Variants in IDE observed in about 807,000 individuals in gnomAD.
IDE encodes the protein insulin degrading enzyme.
In IDE, 58 loss-of-function variants were observed where a neutral mutation model predicts 133.2. The observed-to-expected ratio is 0.44, with a 90% CI of 0.35 to 0.54. The LOEUF (loss-of-function observed/expected upper bound fraction) is 0.54. IDE is among the 20% of genes least tolerant of loss of function. The probability of loss-of-function intolerance (pLI) is 0.00; values close to 1 mark genes in which losing one functional copy is unlikely to be tolerated. For synonymous variants in IDE, 396 were observed against 421.3 expected (o/e 0.94, Z 0.73); for missense variants, 981 against 1,234.0 (o/e 0.79, Z 3.07).
chr10:92,523,384 G>GAAAGA (rs1169879727), intron 4 of IDE, among the ~76,000 whole-genome samples: 1 of 151,588 alleles, frequency 6.6e-6, no homozygotes, highest in Admixed American at 6.6e-5. Context: ...CTGTCTCAAA[G>GAAAGA]AAAGAAAAGA....
intron 17 of IDE, among the ~76,000 whole-genome samples, chr10:92,472,324 T>C (rs1846009496): frequency 1.3e-5 from 2 of 152,210 alleles, no homozygotes; most frequent in South Asian, 2.1e-4. Context: ...TTTTTGATCA[T>C]TATAAAAGTA....
At chr10:92,537,239 T>C in intron 2 of IDE, 127 bp downstream of exon 2, 1 of 620,894 alleles carries the variant, frequency 1.6e-6, no homozygotes, top group Non-Finnish European at 2.7e-6. Flanking sequence ...ACGAGGGTTC[T>C]GGTATAAAAT....
At chr10:92,535,189 C>T (rs1589496641) in intron 2 of IDE, among the ~76,000 whole-genome samples, 1 of 152,106 alleles carries the variant, frequency 6.6e-6, no homozygotes, top group African/African-American at 2.4e-5. Flanking sequence ...CTGCAAGCTC[C>T]GCCTCCTGGG....
intron 11 of IDE, among the ~76,000 whole-genome samples, chr10:92,491,928 G>T (rs1456038904): frequency 6.6e-6 from 1 of 151,870 alleles, no homozygotes; most frequent in African/African-American, 2.4e-5. Context: ...TTTTTTTGAT[G>T]CGACAGTAGA....
chr10:92,521,395 C>T (rs1379962892), intron 4 of IDE, among the ~76,000 whole-genome samples: 2 of 148,116 alleles, frequency 1.4e-5, no homozygotes, highest in Non-Finnish European at 3.0e-5. Context: ...GTTAGGGGTG[C>T]AGTAAAAAAA....
At chr10:92,545,071 G>T (rs1397541486) in intron 1 of IDE, among the ~76,000 whole-genome samples, 1 of 151,826 alleles carries the variant, frequency 6.6e-6, no homozygotes, top group African/African-American at 2.4e-5. Flanking sequence ...TCAGCAAACT[G>T]GAATTAAATT....
In IDE at chr10:92,506,392, C is replaced by T. The variant is rs79864806; in HGVS notation, c.1326+50G>A. ...ATTACTGAAAATATATGCAAGATTG[C>T]TGAAATACTCCACACAGCAATGTAT... On this transcript the variant is annotated intron_variant, in intron 10 of 24. Transcript: ENST00000265986. 9.7e-3 allele frequency: 8,079 copies of T among 832,964 alleles called. 467 individuals are homozygous for T. In the African/African-American group the frequency reaches 0.12, roughly 13 times the overall value. 51.6% of individuals were successfully genotyped at this position (832,964 alleles called of 1,614,324 possible).
intron 1 of IDE, among the ~76,000 whole-genome samples, chr10:92,546,045 A>G (rs994198446): frequency 6.6e-6 from 1 of 152,260 alleles, no homozygotes; most frequent in African/African-American, 2.4e-5. Context: ...GTACATGCAC[A>G]CAATGGAAAG....
chr10:92,477,322 T>G (rs1451393897), intron 15 of IDE, among the ~76,000 whole-genome samples: 1 of 152,082 alleles, frequency 6.6e-6, no homozygotes, highest in East Asian at 1.9e-4. Flanking sequence ...TGGCTAATTT[T>G]TTGTATTTTT....
At chr10:92,504,356 G>T (rs890563871) in intron 11 of IDE, among the ~76,000 whole-genome samples, 1 of 152,106 alleles carries the variant, frequency 6.6e-6, no homozygotes, top group Admixed American at 6.6e-5. Flanking sequence ...GGTCAATCAG[G>T]AGGATTCTGA....
chr10:92,536,341 CCA>C (rs1239050838), intron 2 of IDE, among the ~76,000 whole-genome samples: 1 of 150,232 alleles, frequency 6.7e-6, no homozygotes, highest in Non-Finnish European at 1.5e-5. Context: ...CGAGATCACA[CCA>C]CTGCACTCCA....
At chr10:92,567,483 C>A (rs1030183768) in intron 1 of IDE, among the ~76,000 whole-genome samples, 1 of 152,178 alleles carries the variant, frequency 6.6e-6, no homozygotes, top group Non-Finnish European at 1.5e-5. Flanking sequence ...CCTCATCAGT[C>A]TCTGCCTGCG....
At chr10:92,468,194 G>T (rs1372427122) in intron 19 of IDE, among the ~76,000 whole-genome samples, 2 of 152,126 alleles carry the variant, frequency 1.3e-5, no homozygotes, top group South Asian at 2.1e-4. Flanking sequence ...ACACCATTTT[G>T]GGAGGATAAA....
chr10:92,552,650 G>C lies in IDE; in HGVS notation c.99-15100C>G, dbSNP rs549689257. On this transcript the variant is annotated intron_variant, in intron 1 of 24. Transcript: ENST00000265986. ...GAGGCGAGCAGATCACCTCAGGTCA[G>C]GAGTTTGAGACCAGTGTGGCTAACA... Among the ~76,000 whole-genome samples, 3 of 151,928 alleles carry C rather than the reference G, an allele frequency of 2.0e-5. No homozygotes were observed. In the South Asian group the frequency reaches 6.2e-4, roughly 32 times the overall value.
chr10:92,495,929 C>T (rs1847672240), intron 11 of IDE, among the ~76,000 whole-genome samples: 1 of 151,556 alleles, frequency 6.6e-6, no homozygotes, highest in African/African-American at 2.4e-5. Context: ...GGCTGGAGTG[C>T]AGTGGCATGA....
intron 1 of IDE, among the ~76,000 whole-genome samples, chr10:92,543,768 C>T (rs1396048991): frequency 1.3e-5 from 2 of 152,158 alleles, no homozygotes; most frequent in African/African-American, 4.8e-5. Flanking sequence ...AAGTGACAAG[C>T]TTAACACAGA....
chr10:92,456,347 T>A lies in IDE; in HGVS notation c.2896+12A>T. 1 of 1,604,422 alleles carries A rather than the reference T, an allele frequency of 6.2e-7. No homozygotes were observed. The highest frequency in any genetic ancestry group is 8.5e-7 in the Non-Finnish European group (1 of 1,171,170). ...TCAACATGAGCCTAAAAAGGCAACATTTGATACTTACAAGAATCCATTTCC... is the reference window on the plus strand; with the variant it reads ...TCAACATGAGCCTAAAAAGGCAACAATTGATACTTACAAGAATCCATTTCC... On this transcript the variant is annotated intron_variant, in intron 23 of 24. Transcript: ENST00000265986.
intron 13 of IDE, among the ~76,000 whole-genome samples, chr10:92,484,511 T>C (rs10882067): frequency 0.3 from 45,597 of 151,836 alleles, 8,054 homozygotes; most frequent in East Asian, 0.67. Context: ...GGCAGGCAGA[T>C]GACTTGAGGC....
At chr10:92,490,226 A>G (rs544833614) in intron 12 of IDE, among the ~76,000 whole-genome samples, 1 of 152,330 alleles carries the variant, frequency 6.6e-6, no homozygotes, top group South Asian at 2.1e-4. Context: ...GCCTGTGCCC[A>G]TGTACTCTGC....
Sources: allele counts gnomAD v4.1 joint callset (sites outside exome capture counted in the v4.1 genomes callset), GRCh38; gene constraint gnomAD v4.1.1; transcripts MANE v1.5; gene names NCBI Gene and HGNC (gene_info 2026-07-23, HGNC 2026-07-21).